Variants in CNBD1 observed in about 807,000 individuals in gnomAD.
The protein encoded by CNBD1 is cyclic nucleotide-binding domain-containing protein 1.
Under a neutral mutation model 54.4 loss-of-function variants are expected in CNBD1, and 71 were observed. The observed-to-expected ratio is 1.30, with a 90% CI of 1.08 to 1.59. The LOEUF (loss-of-function observed/expected upper bound fraction) is 1.59, where lower values mean the gene tolerates loss of function less well. Among genes scored for constraint, CNBD1 ranks in the 40% most tolerant of loss-of-function variants. The probability of loss-of-function intolerance (pLI) is 0.00; values close to 1 mark genes in which losing one functional copy is unlikely to be tolerated. For synonymous variants in CNBD1, 182 were observed against 170.7 expected (o/e 1.07, Z -0.51); for missense variants, 659 against 518.0 (o/e 1.27, Z -2.64).
At chr8:86,894,962 G>A (rs1003803451) in intron 2 of CNBD1, among the ~76,000 whole-genome samples, 22 of 152,290 alleles carry the variant, frequency 1.4e-4, no homozygotes, top group Middle Eastern at 3.4e-3. Flanking sequence ...TGGTATAAGA[G>A]TGGAAGGCGA....
chr8:87,229,142 C>T (rs533623728), intron 5 of CNBD1, among the ~76,000 whole-genome samples: 7 of 152,154 alleles, frequency 4.6e-5, no homozygotes, highest in Admixed American at 2.0e-4. Context: ...GACCTGCGCC[C>T]GCTGTCTGGC....
rs1030056182 is a variant in CNBD1, at chr8:87,128,943, C to T, written c.432-77050C>T. On this transcript the variant is annotated intron_variant, in intron 4 of 10. Coordinates refer to ENST00000518476, the MANE Select transcript of CNBD1 (RefSeq NM_173538.3). Reference sequence around the variant, plus strand: ...CTTAAAAAAAAAAAAAAAAATTAGCCGGGATTGGTGGCATGCACCTGTAGT... The same window carrying T: ...CTTAAAAAAAAAAAAAAAAATTAGCTGGGATTGGTGGCATGCACCTGTAGT... 2.7e-4 allele frequency among the ~76,000 whole-genome samples: 40 copies of T among 148,776 alleles called. No individual in the cohort carries two copies. In the East Asian group the frequency reaches 3.0e-3, roughly 11 times the overall value.
chr8:87,324,223 T>A lies in CNBD1; in HGVS notation c.1043-27462T>A, dbSNP rs1003349933. On this transcript the variant is annotated intron_variant, in intron 8 of 10. Coordinates refer to ENST00000518476, the MANE Select transcript of CNBD1 (RefSeq NM_173538.3). ...GGTTTGCCAGTATTTTATTGAGGAT[T>A]TTTGCATCAATGTTCATCAAGGATA... Among the ~76,000 whole-genome samples the A allele has an allele frequency of 2.7e-3, 348 of 129,460 alleles. 13 individuals carry two copies. Among genetic ancestry groups the A allele is most frequent in the African/African-American group, 9.2e-3 (321 of 34,710 alleles). 84.9% of individuals were successfully genotyped at this position (129,460 alleles called of 152,430 possible).
chr8:87,254,658 A>G (rs67016790), intron 6 of CNBD1, among the ~76,000 whole-genome samples: 43,460 of 152,044 alleles, frequency 0.29, 6,714 homozygotes, highest in African/African-American at 0.4. Context: ...TTGTTTTGCA[A>G]GTTCTTCTGG....
At chr8:87,281,179 C>G (rs1808591313) in intron 6 of CNBD1, among the ~76,000 whole-genome samples, 1 of 151,450 alleles carries the variant, frequency 6.6e-6, no homozygotes, top group African/African-American at 2.4e-5. Context: ...GGTATCAAAA[C>G]AACACATGTA....
At chr8:87,212,876 T>C (rs1019874025) in intron 5 of CNBD1, among the ~76,000 whole-genome samples, 1 of 152,138 alleles carries the variant, frequency 6.6e-6, no homozygotes, top group Non-Finnish European at 1.5e-5. Flanking sequence ...AATTAAAATA[T>C]TTTGAGCTTC....
chr8:87,355,585 G>A (rs996052320), intron 10 of CNBD1, among the ~76,000 whole-genome samples: 1 of 152,104 alleles, frequency 6.6e-6, no homozygotes, highest in Non-Finnish European at 1.5e-5. Context: ...AAGCTAATAA[G>A]TTGTAACATA....
intron 10 of CNBD1, among the ~76,000 whole-genome samples, chr8:87,380,652 G>A (rs577135460): frequency 7.2e-4 from 110 of 152,096 alleles, no homozygotes; most frequent in South Asian, 3.9e-3. Flanking sequence ...CTGTGAACGT[G>A]AGATGTCTTT....
intron 4 of CNBD1, among the ~76,000 whole-genome samples, chr8:86,960,537 T>A (rs1807902756): frequency 2.6e-5 from 4 of 152,156 alleles, no homozygotes; most frequent in Admixed American, 2.0e-4. Flanking sequence ...TGCCTACCTC[T>A]GTAGACTCCA....
At chr8:87,063,690 T>C (rs1457366436) in intron 4 of CNBD1, among the ~76,000 whole-genome samples, 1 of 152,006 alleles carries the variant, frequency 6.6e-6, no homozygotes, top group Non-Finnish European at 1.5e-5. Flanking sequence ...TATCTATATA[T>C]TTATTTGAGG....
chr8:87,158,950 T>C lies in CNBD1; in HGVS notation c.432-47043T>C, dbSNP rs546456797. 5.9e-5 allele frequency among the ~76,000 whole-genome samples: 9 copies of C among 152,300 alleles called. No individual in the cohort carries two copies. In the South Asian group the frequency reaches 1.9e-3, roughly 32 times the overall value. On this transcript the variant is annotated intron_variant, in intron 4 of 10. Transcript: ENST00000518476. ...AATTTAATGGTCTTCCAGTTATCAT[T>C]TGACAGGATCAAGCTATAAATCTGT...
chr8:87,029,959 A>T (rs1809745731), intron 4 of CNBD1, among the ~76,000 whole-genome samples: 1 of 152,208 alleles, frequency 6.6e-6, no homozygotes, highest in African/African-American at 2.4e-5. Flanking sequence ...ATGAAGTCAC[A>T]AATATAGTCA....
At chr8:87,285,794 C>T (rs948781249) in intron 7 of CNBD1, among the ~76,000 whole-genome samples, 21 of 152,070 alleles carry the variant, frequency 1.4e-4, no homozygotes, top group African/African-American at 4.6e-4. Flanking sequence ...TGCTTGAACC[C>T]AGGAAGTGGA....
At chr8:87,114,256 A>G (rs1032436389) in intron 4 of CNBD1, among the ~76,000 whole-genome samples, 2 of 152,240 alleles carry the variant, frequency 1.3e-5, no homozygotes, top group Admixed American at 1.3e-4. Context: ...TTTGCTGAAC[A>G]TAAGTGATTC....
chr8:87,156,412 A>G (rs1812743471), intron 4 of CNBD1, among the ~76,000 whole-genome samples: 1 of 150,278 alleles, frequency 6.7e-6, no homozygotes, highest in Non-Finnish European at 1.5e-5. Flanking sequence ...ACCCGGCTAC[A>G]TTTTTTTATT....
intron 4 of CNBD1, among the ~76,000 whole-genome samples, chr8:87,075,992 T>C (rs748117867): frequency 6.6e-6 from 1 of 152,188 alleles, no homozygotes; most frequent in Non-Finnish European, 1.5e-5. Flanking sequence ...CAAATTTCCA[T>C]TGGCATACTA....
At chr8:86,923,263 G>T (rs1242023315) in intron 3 of CNBD1, among the ~76,000 whole-genome samples, 1 of 152,118 alleles carries the variant, frequency 6.6e-6, no homozygotes, top group African/African-American at 2.4e-5. Context: ...TCTCGATGAA[G>T]GTCTTGTCTG....
chr8:87,331,415 G>C (rs558451519), intron 8 of CNBD1, among the ~76,000 whole-genome samples: 2 of 152,282 alleles, frequency 1.3e-5, no homozygotes, highest in East Asian at 3.9e-4. Flanking sequence ...TAGCTGCATA[G>C]TATTCCATGG....
chr8:87,207,239 G>A (rs947710343), intron 5 of CNBD1, among the ~76,000 whole-genome samples: 8 of 152,046 alleles, frequency 5.3e-5, no homozygotes, highest in Non-Finnish European at 1.0e-4. Context: ...AAACATATTT[G>A]TAACAGTAAA....
Sources: allele counts gnomAD v4.1 joint callset (sites outside exome capture counted in the v4.1 genomes callset), GRCh38; gene constraint gnomAD v4.1.1; transcripts MANE v1.5; gene names NCBI Gene and HGNC (gene_info 2026-07-23, HGNC 2026-07-21).